The following UBE2E2 variants were observed in gnomAD, a reference collection of about 807,000 sequenced individuals.
The protein encoded by UBE2E2 is ubiquitin conjugating enzyme E2 E2.
Under a neutral mutation model 24.7 loss-of-function variants are expected in UBE2E2, and 6 were observed. That is an observed-to-expected ratio of 0.24 (90% CI 0.13 to 0.48). The LOEUF (loss-of-function observed/expected upper bound fraction) is 0.48. UBE2E2 is among the 20% of genes least tolerant of loss of function. UBE2E2 has a pLI of 0.99. For missense variants in UBE2E2, 169 were observed against 245.0 expected (o/e 0.69, Z 2.07); for synonymous variants, 104 against 83.6 (o/e 1.24, Z -1.33).
intron 3 of UBE2E2, among the ~76,000 whole-genome samples, chr3:23,258,310 A>G (rs1344785294): frequency 6.6e-6 from 1 of 152,232 alleles, no homozygotes; most frequent in Admixed American, 6.5e-5. Flanking sequence ...TGAGAGTAGA[A>G]AAAGAGAAAG....
chr3:23,206,731 G>T (rs1056122095), intron 1 of UBE2E2, among the ~76,000 whole-genome samples: 1 of 152,104 alleles, frequency 6.6e-6, no homozygotes, highest in African/African-American at 2.4e-5. Context: ...ATTAAAGATC[G>T]GTGTTACAAC....
At chr3:23,278,674 A>G (rs995484960) in intron 3 of UBE2E2, among the ~76,000 whole-genome samples, 9 of 152,144 alleles carry the variant, frequency 5.9e-5, no homozygotes, top group African/African-American at 1.2e-4. Flanking sequence ...TGCTTCCTAA[A>G]TGTACCTTTC....
chr3:23,482,498 C>G (rs1575658927), intron 3 of UBE2E2, among the ~76,000 whole-genome samples: 1 of 151,980 alleles, frequency 6.6e-6, no homozygotes, highest in Admixed American at 6.6e-5. Context: ...TTCTGTGGAA[C>G]AGAAAAGGAA....
intron 3 of UBE2E2, among the ~76,000 whole-genome samples, chr3:23,445,679 G>C (rs1698412555): frequency 6.6e-6 from 1 of 152,148 alleles, no homozygotes; most frequent in South Asian, 2.1e-4. Context: ...TGAGTTACCT[G>C]TGAATGTAAT....
chr3:23,447,716 C>A (rs752441510), intron 3 of UBE2E2, among the ~76,000 whole-genome samples: 2 of 152,146 alleles, frequency 1.3e-5, no homozygotes, highest in South Asian at 2.1e-4. Flanking sequence ...ATGACTGTTA[C>A]ACTTATCAAG....
intron 3 of UBE2E2, among the ~76,000 whole-genome samples, chr3:23,247,392 G>A (rs1697442076): frequency 1.4e-5 from 2 of 145,742 alleles, no homozygotes; most frequent in African/African-American, 2.5e-5. Context: ...GTCTCGCTCT[G>A]TCACCAGGCT....
At chr3:23,462,029 C>T (rs1698814200) in intron 3 of UBE2E2, among the ~76,000 whole-genome samples, 1 of 152,024 alleles carries the variant, frequency 6.6e-6, no homozygotes, top group Non-Finnish European at 1.5e-5. Context: ...AAATATCCCA[C>T]TATGGAATTT....
intron 3 of UBE2E2, among the ~76,000 whole-genome samples, chr3:23,479,797 T>C (rs990399597): frequency 1.3e-5 from 2 of 152,216 alleles, no homozygotes; most frequent in African/African-American, 2.4e-5. Flanking sequence ...CTAGCTCCTT[T>C]CTGCAAGCAG....
At chr3:23,255,578 G>A (rs191476394) in intron 3 of UBE2E2, among the ~76,000 whole-genome samples, 1 of 152,258 alleles carries the variant, frequency 6.6e-6, no homozygotes, top group Non-Finnish European at 1.5e-5. Flanking sequence ...TAGAGTCAAA[G>A]TAGAGAGAAA....
chr3:23,261,017 C>G (rs897191077), intron 3 of UBE2E2, among the ~76,000 whole-genome samples: 1 of 152,104 alleles, frequency 6.6e-6, no homozygotes, highest in Non-Finnish European at 1.5e-5. Context: ...GTGGGAGGAT[C>G]TCTTGAGCCC....
At chr3:23,480,643 AAAAG>A (rs1386419469) in intron 3 of UBE2E2, among the ~76,000 whole-genome samples, 1 of 150,306 alleles carries the variant, frequency 6.7e-6, no homozygotes. Flanking sequence ...AAAAAAAAAA[AAAAG>A]AAGAGGATTC....
In UBE2E2 at chr3:23,206,922, TTTGA is replaced by T. The variant is rs368140435; in HGVS notation, c.-8-1767_-8-1764del. On this transcript the variant is annotated intron_variant, in intron 1 of 5. Transcript: ENST00000396703. ...GAAACAGTTTTATTTCAAGTTGTAA[TTTGA>T]TTAAGAGTAATCAAAAGGATCCATT... 2.4e-3 allele frequency among the ~76,000 whole-genome samples: 372 copies of T among 152,340 alleles called. 3 individuals are homozygous for T. The highest frequency in any genetic ancestry group is 8.5e-3 in the African/African-American group (352 of 41,582).
intron 5 of UBE2E2, among the ~76,000 whole-genome samples, chr3:23,575,457 T>C (rs1385876743): frequency 6.6e-6 from 1 of 152,194 alleles, no homozygotes; most frequent in African/African-American, 2.4e-5. Context: ...TCAATATTTA[T>C]AGTGTATAAA....
At chr3:23,238,480 A>C (rs1218787879) in intron 3 of UBE2E2, among the ~76,000 whole-genome samples, 2 of 152,186 alleles carry the variant, frequency 1.3e-5, no homozygotes, top group South Asian at 2.1e-4. Context: ...AAAAGGAACA[A>C]AACTTTGAGA....
chr3:23,281,253 T>C, intron 3 of UBE2E2, among the ~76,000 whole-genome samples: 1 of 152,210 alleles, frequency 6.6e-6, no homozygotes, highest in East Asian at 1.9e-4. Flanking sequence ...GTTTTAGATA[T>C]AACTACTTAA....
chr3:23,350,306 G>A (rs1695703470), intron 3 of UBE2E2, among the ~76,000 whole-genome samples: 1 of 152,120 alleles, frequency 6.6e-6, no homozygotes, highest in African/African-American at 2.4e-5. Context: ...CAGAAAAACT[G>A]GAAACCCTAA....
At chr3:23,298,420 A>G (rs1224912211) in intron 3 of UBE2E2, among the ~76,000 whole-genome samples, 18 of 151,912 alleles carry the variant, frequency 1.2e-4, no homozygotes, top group East Asian at 3.9e-4. Context: ...TATTGGCTGT[A>G]GGTTTGTCAT....
chr3:23,281,609 G>C (rs1698491960), intron 3 of UBE2E2, among the ~76,000 whole-genome samples: 1 of 152,198 alleles, frequency 6.6e-6, no homozygotes. Context: ...CTGCATTCCA[G>C]CCTGGGTGAC....
In UBE2E2 at chr3:23,239,112, G is replaced by A. The variant is rs1697189452; in HGVS notation, c.227+21800G>A. Among the ~76,000 whole-genome samples the A allele has an allele frequency of 2.0e-5, 3 of 151,900 alleles. No individual in the cohort carries two copies. In the South Asian group the frequency reaches 6.2e-4, roughly 32 times the overall value. Reference sequence around the variant, plus strand: ...GTAGTTTTATATTTCCCTCTTCTTTGAAACAGTATGAGTTTAACATTTTCT... The same window carrying A: ...GTAGTTTTATATTTCCCTCTTCTTTAAAACAGTATGAGTTTAACATTTTCT... On this transcript the variant is annotated intron_variant, in intron 3 of 5. Coordinates refer to ENST00000396703, the MANE Select transcript of UBE2E2 (RefSeq NM_152653.4).
Sources: allele counts gnomAD v4.1 joint callset (sites outside exome capture counted in the v4.1 genomes callset), GRCh38; gene constraint gnomAD v4.1.1; transcripts MANE v1.5; gene names NCBI Gene and HGNC (gene_info 2026-07-23, HGNC 2026-07-21).